Variants in SUSD1 observed in about 807,000 individuals in gnomAD.
SUSD1 encodes sushi domain containing 1, also known as sushi domain-containing protein 1.
In SUSD1, 65 loss-of-function variants were observed where a neutral mutation model predicts 86.9. The observed-to-expected ratio is 0.75, with a 90% CI of 0.61 to 0.92. The LOEUF (loss-of-function observed/expected upper bound fraction) is 0.92, where lower values mean the gene tolerates loss of function less well. SUSD1 is among the 40% of genes least tolerant of loss of function. The pLI is 0.00. For synonymous variants in SUSD1, 346 were observed against 350.0 expected (o/e 0.99, Z 0.13); for missense variants, 850 against 929.7 (o/e 0.91, Z 1.11).
At chr9:112,106,552 A>G (rs1830848939) in intron 8 of SUSD1, among the ~76,000 whole-genome samples, 1 of 152,024 alleles carries the variant, frequency 6.6e-6, no homozygotes, top group South Asian at 2.1e-4. Flanking sequence ...CGTGGTTTGA[A>G]AAGACTGTCA....
chr9:112,123,264 A>C (rs1831626120), intron 6 of SUSD1, among the ~76,000 whole-genome samples: 1 of 152,134 alleles, frequency 6.6e-6, no homozygotes, highest in Non-Finnish European at 1.5e-5. Context: ...GCAGAAGGTG[A>C]AGAGGGAGCA....
At chr9:112,159,302 CCCAGGTAAGACAG>C (rs1012726201) in intron 1 of SUSD1, among the ~76,000 whole-genome samples, 3 of 152,102 alleles carry the variant, frequency 2.0e-5, no homozygotes, top group Non-Finnish European at 4.4e-5. Context: ...TCCACTGTTA[CCCAGGTAAGACAG>C]CCTAGCCCTT....
rs186965593 is a variant in SUSD1, at chr9:112,120,597, C to T, written c.886+3660G>A. Among the ~76,000 whole-genome samples, 228 of 152,350 alleles carry T rather than the reference C, an allele frequency of 1.5e-3. 4 individuals carry two copies. The highest frequency in any genetic ancestry group is 1.5e-3 in the East Asian group (8 of 5,192). On this transcript the variant is annotated intron_variant, in intron 6 of 16. Coordinates refer to ENST00000374270, the MANE Select transcript of SUSD1 (RefSeq NM_022486.5). ...CTCCTCACAGAAAGATCACAGCTCT[C>T]AGGGAGAATGCCTTTTCTTTTCTTA...
chr9:112,052,790 G>C (rs1828276242), intron 14 of SUSD1, among the ~76,000 whole-genome samples: 1 of 152,178 alleles, frequency 6.6e-6, no homozygotes, highest in South Asian at 2.1e-4. Flanking sequence ...AAAGGATTCT[G>C]AGGTCACACG....
chr9:112,102,360 A>T (rs2131619200), intron 8 of SUSD1, 75 bp from the exon 9 acceptor site: 2 of 680,846 alleles, frequency 2.9e-6, no homozygotes, highest in Middle Eastern at 5.1e-4. Context: ...GTACAAGTGA[A>T]ACTCTGACAC....
chr9:112,100,045 C>A (rs1462017519), intron 9 of SUSD1, among the ~76,000 whole-genome samples: 1 of 152,298 alleles, frequency 6.6e-6, no homozygotes, highest in Admixed American at 6.5e-5. Flanking sequence ...TCTTCTGGAC[C>A]ACTTACTAGT....
intron 12 of SUSD1, among the ~76,000 whole-genome samples, chr9:112,075,546 G>A (rs1273451651): frequency 6.6e-6 from 1 of 152,008 alleles, no homozygotes; most frequent in Non-Finnish European, 1.5e-5. Flanking sequence ...GGCAACATAG[G>A]GAGACCCTCA....
At chr9:112,115,313 C>T (rs1355273327) in intron 6 of SUSD1, among the ~76,000 whole-genome samples, 1 of 152,206 alleles carries the variant, frequency 6.6e-6, no homozygotes, top group African/African-American at 2.4e-5. Flanking sequence ...TGCCTAGATT[C>T]TGTGTCCCAC....
chr9:112,046,117 C>T (rs1404859177), intron 15 of SUSD1, among the ~76,000 whole-genome samples: 1 of 152,184 alleles, frequency 6.6e-6, no homozygotes, highest in Non-Finnish European at 1.5e-5. Flanking sequence ...GGTTATATGT[C>T]TTTTTGTCTA....
In SUSD1 at chr9:112,045,717, A is replaced by C. The variant is rs144032405; in HGVS notation, c.2150-3757T>G. 2.0e-3 allele frequency among the ~76,000 whole-genome samples: 300 copies of C among 152,312 alleles called. 3 individuals carry two copies. Among genetic ancestry groups the C allele is most frequent in the African/African-American group, 7.0e-3 (293 of 41,572 alleles). ...ACTTCTGGTGGTTCTTCCTTTGTAC[A>C]AAGTTCCTTGTTCTTTGCTCATCTC... On this transcript the variant is annotated intron_variant, in intron 15 of 16. Coordinates refer to ENST00000374270, the MANE Select transcript of SUSD1 (RefSeq NM_022486.5).
At chr9:112,090,349 T>C (rs1008310528) in intron 10 of SUSD1, among the ~76,000 whole-genome samples, 1 of 152,028 alleles carries the variant, frequency 6.6e-6, no homozygotes, top group Admixed American at 6.6e-5. Flanking sequence ...TAGAAAAAAA[T>C]TGAGAATGTC....
In SUSD1 at chr9:112,111,679, T is replaced by A. The variant is rs1397084701; in HGVS notation, c.1146A>T (p.Pro382=). ...CAGCTGTCTGGAAACCGATGACGGCTGGCATCGAGCGCCTGGGAGGTGCTG... is the reference window on the plus strand; with the variant it reads ...CAGCTGTCTGGAAACCGATGACGGCAGGCATCGAGCGCCTGGGAGGTGCTG... The part of the protein sequence containing the change: ...ISTAPPRRSM[P]AVIGFQTAEV... The change falls in exon 8 of 17, where the codon CCA becomes CCT. Residue 382 remains proline, a synonymous_variant. Coordinates refer to ENST00000374270, the MANE Select transcript of SUSD1 (RefSeq NM_022486.5). 2 of 1,614,026 alleles carry A rather than the reference T, an allele frequency of 1.2e-6. No individual in the cohort carries two copies. The highest frequency in any genetic ancestry group is 1.7e-6 in the Non-Finnish European group (2 of 1,179,980).
intron 10 of SUSD1, among the ~76,000 whole-genome samples, chr9:112,091,588 C>A (rs566780006): frequency 6.6e-6 from 1 of 152,076 alleles, no homozygotes; most frequent in Non-Finnish European, 1.5e-5. Context: ...TAAATAATAG[C>A]GGTATTTAAA....
intron 14 of SUSD1, 96 bp downstream of exon 14, chr9:112,058,332 G>T: frequency 7.0e-7 from 1 of 1,425,800 alleles, no homozygotes. Context: ...TACATGCAGT[G>T]ACCCTCTCAT....
intron 3 of SUSD1, among the ~76,000 whole-genome samples, chr9:112,147,647 T>C (rs1040907995): frequency 6.6e-6 from 1 of 151,884 alleles, no homozygotes; most frequent in African/African-American, 2.4e-5. Flanking sequence ...TGCGCACCTG[T>C]AGTCCCAGCT....
At chr9:112,050,341 C>A (rs1306650437) in intron 15 of SUSD1, among the ~76,000 whole-genome samples, 1 of 152,204 alleles carries the variant, frequency 6.6e-6, no homozygotes, top group Non-Finnish European at 1.5e-5. Flanking sequence ...GCCTTGCACC[C>A]TGCTGAAAAG....
At chr9:112,077,236 C>T (rs1168596144) in intron 12 of SUSD1, among the ~76,000 whole-genome samples, 2 of 152,064 alleles carry the variant, frequency 1.3e-5, no homozygotes, top group Non-Finnish European at 2.9e-5. Flanking sequence ...GGATGGCAGC[C>T]TTACACACGA....
chr9:112,049,890 C>T (rs77545125), intron 15 of SUSD1, among the ~76,000 whole-genome samples: 6 of 152,210 alleles, frequency 3.9e-5, no homozygotes, highest in African/African-American at 1.4e-4. Flanking sequence ...TGAGGGGAAA[C>T]CAGAGCACTG....
At chr9:112,095,231 A>G (rs74957050) in intron 10 of SUSD1, among the ~76,000 whole-genome samples, 1 of 152,370 alleles carries the variant, frequency 6.6e-6, no homozygotes, top group East Asian at 1.9e-4. Context: ...GAAAACAAAA[A>G]GCAAATATAG....
Sources: allele counts gnomAD v4.1 joint callset (sites outside exome capture counted in the v4.1 genomes callset), GRCh38; gene constraint gnomAD v4.1.1; transcripts MANE v1.5; gene names NCBI Gene and HGNC (gene_info 2026-07-23, HGNC 2026-07-21).